The following PSMB7 variants were observed in gnomAD, a reference collection of about 807,000 sequenced individuals.
PSMB7 encodes the protein proteasome subunit beta type-7.
A neutral mutation model predicts 28.1 loss-of-function variants in PSMB7; 5 were observed. The observed-to-expected ratio is 0.18, with a 90% CI of 0.09 to 0.37. The LOEUF (loss-of-function observed/expected upper bound fraction) is 0.37. Among genes scored for constraint, PSMB7 ranks in the 10% least tolerant of loss-of-function variants. The pLI is 1.00. For missense variants in PSMB7, 275 were observed against 346.2 expected (o/e 0.79, Z 1.63); for synonymous variants, 122 against 123.7 (o/e 0.99, Z 0.09).
Position 124,412,417 on chromosome 9 carries a change from G to T in PSMB7, c.330C>A (p.Ser110=), listed in dbSNP as rs1427478650. ...QLISSNLELH[S]LSTGRLPRVV... ...CTCTGGGAAGACGGCCAGTGGAGAG[G>T]GAGTGGAGCTCCAGGTTGGAAGAAA... Residue 110 remains serine (S), a synonymous_variant, in exon 4 of 8, where the codon TCC becomes TCA. Coordinates refer to ENST00000259457, the MANE Select transcript of PSMB7 (RefSeq NM_002799.4). 6.2e-7 allele frequency: 1 copy of T among 1,613,998 alleles called. No individual in the cohort carries two copies. The highest frequency in any genetic ancestry group is 2.2e-5 in the East Asian group (1 of 44,884).
intron 5 of PSMB7, among the ~76,000 whole-genome samples, chr9:124,395,475 G>T (rs1254440525): frequency 6.6e-6 from 1 of 152,104 alleles, no homozygotes; most frequent in Non-Finnish European, 1.5e-5. Context: ...CCTGGCGACA[G>T]AGCAAGACCC....
chr9:124,386,120 T>TCC (rs1214598258), intron 5 of PSMB7, among the ~76,000 whole-genome samples: 1 of 149,302 alleles, frequency 6.7e-6, no homozygotes, highest in Non-Finnish European at 1.5e-5. Context: ...AACCCGATTT[T>TCC]CCCCTCCTCA....
intron 6 of PSMB7, among the ~76,000 whole-genome samples, chr9:124,366,803 C>G (rs1206955479): frequency 6.6e-6 from 1 of 152,270 alleles, no homozygotes. Flanking sequence ...ATACTTACTG[C>G]TGTGTTACAG....
At chr9:124,402,018 C>CAAA (rs34981907) in intron 5 of PSMB7, among the ~76,000 whole-genome samples, 358 of 123,848 alleles carry the variant, frequency 2.9e-3, no homozygotes, top group African/African-American at 0.012. Context: ...GACTCAGTCT[C>CAAA]AAAAAAAAAA....
At chr9:124,389,882 T>G (rs992968316) in intron 5 of PSMB7, among the ~76,000 whole-genome samples, 2 of 152,200 alleles carry the variant, frequency 1.3e-5, no homozygotes, top group Admixed American at 6.5e-5. Context: ...CCAGCCAGTC[T>G]GTTACAATGA....
At chr9:124,404,802 G>A (rs1031414198) in intron 5 of PSMB7, among the ~76,000 whole-genome samples, 6 of 152,032 alleles carry the variant, frequency 3.9e-5, no homozygotes, top group Admixed American at 1.3e-4. Flanking sequence ...GCAGTGAGCC[G>A]AGATCATGCC....
chr9:124,413,176 G>C (rs10760360), intron 3 of PSMB7, among the ~76,000 whole-genome samples: 41,600 of 114,188 alleles, frequency 0.36, 7,593 homozygotes, highest in Non-Finnish European at 0.45. Context: ...AAAAAAAAAA[G>C]AACGAAAAAA....
chr9:124,398,674 C>G (rs1426568445), intron 5 of PSMB7, among the ~76,000 whole-genome samples: 2 of 152,164 alleles, frequency 1.3e-5, no homozygotes, highest in African/African-American at 4.8e-5. Flanking sequence ...CTTCGGGAAT[C>G]TGTATAAATA....
intron 5 of PSMB7, among the ~76,000 whole-genome samples, chr9:124,397,932 C>T (rs1830858250): frequency 6.6e-6 from 1 of 152,174 alleles, no homozygotes; most frequent in Non-Finnish European, 1.5e-5. Flanking sequence ...CTTTGGGAGG[C>T]CGAGGCGGGT....
intron 5 of PSMB7, among the ~76,000 whole-genome samples, 187 bp downstream of exon 5, chr9:124,405,130 T>C (rs1009956429): frequency 6.6e-6 from 1 of 152,184 alleles, no homozygotes; most frequent in African/African-American, 2.4e-5. Flanking sequence ...ATCAGAATTG[T>C]GTTGACTGCT....
chr9:124,393,166 C>T lies in PSMB7; in HGVS notation c.512-8510G>A, dbSNP rs184873402. On this transcript the variant is annotated intron_variant, in intron 5 of 7. Transcript: ENST00000259457. ...GCTGATTGATGAATATAAAATAAGG[C>T]GGGCACCAGGGGACCATATCCAGCC... is the stretch of plus-strand genomic sequence containing the variant. Among the ~76,000 whole-genome samples, 891 of 152,296 alleles carry T rather than the reference C, an allele frequency of 5.9e-3. 10 individuals carry two copies. The highest frequency in any genetic ancestry group is 0.021 in the African/African-American group (858 of 41,568).
Position 124,409,833 on chromosome 9 carries a change from C to T in PSMB7, c.395+2519G>A, listed in dbSNP as rs116635421. 5.3e-3 allele frequency among the ~76,000 whole-genome samples: 814 copies of T among 152,300 alleles called. 7 individuals are homozygous for T. Among genetic ancestry groups the T allele is most frequent in the African/African-American group, 0.019 (794 of 41,558 alleles). ...CAAAGTTCTAAAATCAAATCCTAAACTCTTTCCTTATACCACTCTCATTTT... is the reference window on the plus strand; with the variant it reads ...CAAAGTTCTAAAATCAAATCCTAAATTCTTTCCTTATACCACTCTCATTTT... On this transcript the variant is annotated intron_variant, in intron 4 of 7. Coordinates refer to ENST00000259457, the MANE Select transcript of PSMB7 (RefSeq NM_002799.4).
chr9:124,370,785 A>C (rs533397307), intron 6 of PSMB7, among the ~76,000 whole-genome samples: 2 of 152,374 alleles, frequency 1.3e-5, no homozygotes, highest in Non-Finnish European at 2.9e-5. Context: ...GCCCTGCATT[A>C]GAAGGTTTAC....
rs552200396 is a variant in PSMB7, at chr9:124,359,665, G to A, written c.571-2750C>T. Among the ~76,000 whole-genome samples, 179 of 152,278 alleles carry A rather than the reference G, an allele frequency of 1.2e-3. 4 individuals are homozygous for A. Among genetic ancestry groups the A allele is most frequent in the African/African-American group, 3.2e-3 (134 of 41,552 alleles). On this transcript the variant is annotated intron_variant, in intron 6 of 7. Transcript: ENST00000259457. ...CCTGACTCAAGGCTGTGTCATTCAC[G>A]CCCCACCACCAAAGAGCCTTAAGAC...
intron 5 of PSMB7, among the ~76,000 whole-genome samples, chr9:124,401,492 C>T (rs1830906208): frequency 6.6e-6 from 1 of 152,264 alleles, no homozygotes; most frequent in Non-Finnish European, 1.5e-5. Flanking sequence ...GCTTAATACA[C>T]ATCAGACAAA....
In PSMB7 at chr9:124,405,310, C is replaced by T. The variant is rs779131826; in HGVS notation, c.511+7G>A. The T allele has an allele frequency of 1.1e-5, 17 of 1,572,884 alleles. No homozygotes were observed. The African/African-American group carries it at 1.8e-4, about 16-fold the overall frequency. ...ACTCTTAAACATCAGGAAAACGTTA[C>T]ACTCACCCATGGTGACATAAGGCAA... On this transcript the variant is annotated splice_region_variant and intron_variant, in intron 5 of 7. Transcript: ENST00000259457.
At chr9:124,358,040 G>C (rs548542731) in intron 6 of PSMB7, among the ~76,000 whole-genome samples, 1 of 152,324 alleles carries the variant, frequency 6.6e-6, no homozygotes, top group Non-Finnish European at 1.5e-5. Context: ...CTCCCTGAAA[G>C]CAGGGAATCT....
intron 2 of PSMB7, 91 bp from the exon 3 acceptor site, chr9:124,414,096 C>T (rs1564688569): frequency 1.4e-6 from 1 of 729,732 alleles, no homozygotes; most frequent in East Asian, 2.7e-5. Flanking sequence ...GTTGGCCATA[C>T]CACATGCTCC....
At chr9:124,386,320 A>T (rs1435913734) in intron 5 of PSMB7, among the ~76,000 whole-genome samples, 1 of 152,218 alleles carries the variant, frequency 6.6e-6, no homozygotes, top group Non-Finnish European at 1.5e-5. Context: ...GTCCTTGAAG[A>T]TGTGGAAACA....
Sources: allele counts gnomAD v4.1 joint callset (sites outside exome capture counted in the v4.1 genomes callset), GRCh38; gene constraint gnomAD v4.1.1; transcripts MANE v1.5; gene names NCBI Gene and HGNC (gene_info 2026-07-23, HGNC 2026-07-21).